The following PATJ variants were observed in gnomAD, a reference collection of about 807,000 sequenced individuals.
The protein encoded by PATJ is PATJ crumbs cell polarity complex component.
PATJ carries 190 observed loss-of-function variants against 224.9 expected under a neutral mutation model. That is an observed-to-expected ratio of 0.84 (90% CI 0.75 to 0.95). The LOEUF (loss-of-function observed/expected upper bound fraction) is 0.95, where lower values mean the gene tolerates loss of function less well. Ranked by LOEUF, PATJ falls within the 40% of genes least tolerant of loss-of-function variation. The pLI is 0.00. For synonymous variants in PATJ, 769 were observed against 820.3 expected (o/e 0.94, Z 1.07); for missense variants, 2,121 against 2,270.3 (o/e 0.93, Z 1.34).
intron 14 of PATJ, among the ~76,000 whole-genome samples, chr1:61,813,352 T>TAG (rs1557690049): frequency 1.2e-4 from 5 of 41,990 alleles, no homozygotes; most frequent in South Asian, 8.0e-4. Flanking sequence ...TATATATATA[T>TAG]ATATATATAT....
chr1:61,754,524 T>G (rs1306278514), intron 1 of PATJ, among the ~76,000 whole-genome samples: 4 of 140,426 alleles, frequency 2.8e-5, no homozygotes, highest in African/African-American at 8.4e-5. Context: ...TTGCATGTTT[T>G]TTTTTTTTTT....
intron 31 of PATJ, among the ~76,000 whole-genome samples, chr1:62,057,669 TCA>T (rs1654778794): frequency 6.6e-6 from 1 of 152,250 alleles, no homozygotes; most frequent in Non-Finnish European, 1.5e-5. Flanking sequence ...TAGGTAAGTT[TCA>T]CAGAGAGTTG....
At chr1:62,157,023 T>G (rs531828281) in intron 43 of PATJ, among the ~76,000 whole-genome samples, 2 of 151,138 alleles carry the variant, frequency 1.3e-5, no homozygotes, top group Admixed American at 1.3e-4. Context: ...TCAGAATTCA[T>G]TTTAGAAAGA....
chr1:61,766,763 A>G (rs1193652218), intron 4 of PATJ, among the ~76,000 whole-genome samples: 1 of 152,180 alleles, frequency 6.6e-6, no homozygotes, highest in African/African-American at 2.4e-5. Flanking sequence ...GAGTTTTTAG[A>G]CAATGACTAA....
intron 28 of PATJ, among the ~76,000 whole-genome samples, chr1:62,010,092 A>AG (rs1207811380): frequency 6.6e-5 from 10 of 151,186 alleles, no homozygotes; most frequent in African/African-American, 1.7e-4. Context: ...AAAAAAAAAA[A>AG]AAAAGAAAGA....
intron 33 of PATJ, among the ~76,000 whole-genome samples, chr1:62,092,687 A>T (rs1660909906): frequency 6.6e-6 from 1 of 152,048 alleles, no homozygotes; most frequent in Admixed American, 6.6e-5. Flanking sequence ...AAGTACAGGG[A>T]TTACAGGTGT....
intron 41 of PATJ, among the ~76,000 whole-genome samples, chr1:62,144,127 A>C (rs866312465): frequency 1.3e-5 from 2 of 152,140 alleles, no homozygotes; most frequent in East Asian, 1.9e-4. Context: ...TTCCTCCTTT[A>C]ATCTTTCGTC....
intron 6 of PATJ, among the ~76,000 whole-genome samples, chr1:61,772,903 T>A (rs1646698604): frequency 6.6e-6 from 1 of 152,244 alleles, no homozygotes; most frequent in South Asian, 2.1e-4. Flanking sequence ...TGCCTGGTGC[T>A]GCATATACGT....
At chr1:61,760,723 TCTC>T (rs1174466514) in intron 1 of PATJ, among the ~76,000 whole-genome samples, 1 of 149,114 alleles carries the variant, frequency 6.7e-6, no homozygotes, top group Admixed American at 6.7e-5. Context: ...TTCAAGCAAT[TCTC>T]CTGCCTCAGC....
intron 41 of PATJ, among the ~76,000 whole-genome samples, chr1:62,137,439 G>A (rs1667032256): frequency 2.0e-5 from 1 of 50,482 alleles, no homozygotes; most frequent in Non-Finnish European, 3.8e-5. Context: ...AATGCCTCTG[G>A]AGGGGGGAAC....
At chr1:61,874,572 A>G (rs79726021) in intron 20 of PATJ, among the ~76,000 whole-genome samples, 11,193 of 152,248 alleles carry the variant, frequency 0.074, 496 homozygotes, top group South Asian at 0.16. Context: ...TCACCCCACA[A>G]AAGTCCCCAC....
chr1:61,900,510 A>G (rs1571194014), intron 23 of PATJ, among the ~76,000 whole-genome samples: 1 of 152,336 alleles, frequency 6.6e-6, no homozygotes, highest in Middle Eastern at 3.4e-3. Flanking sequence ...AACTTGGACA[A>G]CGAGCCACTC....
At chr1:61,975,451 C>T (rs901846204) in intron 27 of PATJ, among the ~76,000 whole-genome samples, 1 of 152,014 alleles carries the variant, frequency 6.6e-6, no homozygotes, top group Admixed American at 6.5e-5. Flanking sequence ...AGCCAGTATT[C>T]AGAATTTTTT....
chr1:61,770,104 T>C (rs1443542082), intron 5 of PATJ, among the ~76,000 whole-genome samples: 2 of 152,206 alleles, frequency 1.3e-5, no homozygotes, highest in African/African-American at 4.8e-5. Flanking sequence ...TATTATAAAA[T>C]TCTTAGTTGA....
chr1:62,099,789 G>A (rs1397991839), intron 33 of PATJ, among the ~76,000 whole-genome samples: 1 of 152,018 alleles, frequency 6.6e-6, no homozygotes, highest in Non-Finnish European at 1.5e-5. Context: ...CCACAAAAGG[G>A]TACTTATTGA....
chr1:61,756,786 G>T (rs1570284131), intron 1 of PATJ, among the ~76,000 whole-genome samples: 1 of 151,826 alleles, frequency 6.6e-6, no homozygotes, highest in South Asian at 2.1e-4. Context: ...CATCATATTG[G>T]CCAGGCTGGT....
chr1:62,002,254 C>T (rs1423447706), intron 28 of PATJ, among the ~76,000 whole-genome samples: 1 of 152,052 alleles, frequency 6.6e-6, no homozygotes, highest in Non-Finnish European at 1.5e-5. Context: ...GTCTCAACGT[C>T]GTCATTACAA....
intron 28 of PATJ, among the ~76,000 whole-genome samples, chr1:62,011,719 TA>T (rs11448104): frequency 8.2e-4 from 117 of 143,538 alleles, no homozygotes; most frequent in Middle Eastern, 3.6e-3. Context: ...TTTCCATTTG[TA>T]AAAAAAAAAA....
At chr1:61,822,805 T>C (rs2148722866) in intron 14 of PATJ, 140 bp from the exon 15 acceptor site, 1 of 936,044 alleles carries the variant, frequency 1.1e-6, no homozygotes, top group Non-Finnish European at 1.6e-6. Flanking sequence ...AAGCTAATTT[T>C]CCTATTATTG....
Sources: allele counts gnomAD v4.1 joint callset (sites outside exome capture counted in the v4.1 genomes callset), GRCh38; gene constraint gnomAD v4.1.1; transcripts MANE v1.5; gene names NCBI Gene and HGNC (gene_info 2026-07-23, HGNC 2026-07-21).